PACRG: variants seen among roughly 807,000 people sequenced by gnomAD.
PACRG encodes the protein parkin coregulated gene protein.
In PACRG, 29 loss-of-function variants were observed where a neutral mutation model predicts 29.7. The ratio of observed to expected loss-of-function variants is 0.98; its 90% confidence interval spans 0.73 to 1.33. The LOEUF (loss-of-function observed/expected upper bound fraction) is 1.33, where lower values mean the gene tolerates loss of function less well. Among genes scored for constraint, PACRG ranks in the 40% most tolerant of loss-of-function variants. The probability of loss-of-function intolerance (pLI) is 0.00; values close to 1 mark genes in which losing one functional copy is unlikely to be tolerated. For missense variants in PACRG, 279 were observed against 316.2 expected (o/e 0.88, Z 0.89); for synonymous variants, 116 against 118.7 (o/e 0.98, Z 0.15).
intron 2 of PACRG, among the ~76,000 whole-genome samples, chr6:162,828,455 A>G (rs748178182): frequency 3.9e-5 from 6 of 152,222 alleles, no homozygotes; most frequent in Non-Finnish European, 7.3e-5. Context: ...GCTAGGCATT[A>G]CCTGAGTACT....
intron 4 of PACRG, among the ~76,000 whole-genome samples, chr6:163,293,229 C>T (rs1321854299): frequency 6.6e-6 from 1 of 152,122 alleles, no homozygotes; most frequent in Non-Finnish European, 1.5e-5. Flanking sequence ...CTGTAATGAT[C>T]GAATAGCAGT....
chr6:163,087,058 C>T (rs114029065), intron 3 of PACRG, among the ~76,000 whole-genome samples: 54 of 152,080 alleles, frequency 3.6e-4, no homozygotes, highest in African/African-American at 1.0e-3. Flanking sequence ...GGTAACCCCG[C>T]GGTACCTTGA....
intron 2 of PACRG, among the ~76,000 whole-genome samples, chr6:162,958,669 A>T (rs1800256244): frequency 6.6e-6 from 1 of 151,394 alleles, no homozygotes. Context: ...AACACTTAGG[A>T]TCCTTTGTTT....
At chr6:162,791,591 C>T (rs1784950926) in intron 1 of PACRG, among the ~76,000 whole-genome samples, 2 of 152,096 alleles carry the variant, frequency 1.3e-5, no homozygotes, top group African/African-American at 2.4e-5. Flanking sequence ...AGCAAGTGCT[C>T]GGTAAATATG....
At chr6:163,225,682 G>A (rs1456153450) in intron 4 of PACRG, among the ~76,000 whole-genome samples, 1 of 152,204 alleles carries the variant, frequency 6.6e-6, no homozygotes, top group Non-Finnish European at 1.5e-5. Context: ...TAGAGATACT[G>A]TGTAATCCAG....
chr6:163,148,918 T>C (rs1777925683), intron 4 of PACRG, among the ~76,000 whole-genome samples: 1 of 129,908 alleles, frequency 7.7e-6, no homozygotes, highest in African/African-American at 3.0e-5. Flanking sequence ...CCATGCACAG[T>C]ATTCTCGTGG....
chr6:163,170,640 T>C (rs143044019), intron 4 of PACRG: 1 of 152,388 alleles, frequency 6.6e-6, no homozygotes, highest in African/African-American at 2.4e-5. Context: ...TGGCATCTGA[T>C]AGAAACAGCC....
intron 4 of PACRG, among the ~76,000 whole-genome samples, chr6:163,304,161 A>G (rs568506015): frequency 6.6e-6 from 1 of 152,286 alleles, no homozygotes; most frequent in South Asian, 2.1e-4. Flanking sequence ...CAGCCAGATG[A>G]AGCTACCTAG....
At chr6:162,956,567 G>A (rs1024671488) in intron 2 of PACRG, among the ~76,000 whole-genome samples, 1 of 152,178 alleles carries the variant, frequency 6.6e-6, no homozygotes, top group African/African-American at 2.4e-5. Context: ...GTGTTGGCAG[G>A]GCCGTGCTCC....
At chr6:163,226,941 G>T (rs570321373) in intron 4 of PACRG, among the ~76,000 whole-genome samples, 2 of 152,164 alleles carry the variant, frequency 1.3e-5, no homozygotes, top group African/African-American at 4.8e-5. Context: ...TGATGAGTAG[G>T]ATTTCACACT....
chr6:162,963,950 C>T (rs1227324641), intron 2 of PACRG, among the ~76,000 whole-genome samples: 1 of 152,170 alleles, frequency 6.6e-6, no homozygotes, highest in Non-Finnish European at 1.5e-5. Flanking sequence ...GCAGAAGACT[C>T]TTGCCTAATA....
chr6:163,147,459 T>TG (rs1385305086), intron 4 of PACRG, among the ~76,000 whole-genome samples: 5 of 152,208 alleles, frequency 3.3e-5, no homozygotes, highest in Non-Finnish European at 7.3e-5. Context: ...GAGGCTGGGT[T>TG]GCCATCCCAG....
chr6:162,727,336 A>AGGGGAGGGGCGGCGGCGGGGG, upstream of PACRG: 1 of 274,936 alleles, frequency 3.6e-6, no homozygotes, highest in Non-Finnish European at 6.5e-6. Context: ...GGCGGCGGGG[A>AGGGGAGGGGCGGCGGCGGGGG]GAAGGCTTCG....
At chr6:162,805,921 G>A (rs1380612743) in intron 1 of PACRG, among the ~76,000 whole-genome samples, 4 of 152,054 alleles carry the variant, frequency 2.6e-5, no homozygotes, top group African/African-American at 4.8e-5. Flanking sequence ...TTATTCATGA[G>A]GATTGGAATC....
At chr6:162,734,391 A>G (rs1460806703) in intron 1 of PACRG, among the ~76,000 whole-genome samples, 1 of 152,070 alleles carries the variant, frequency 6.6e-6, no homozygotes, top group African/African-American at 2.4e-5. Context: ...ATAAATTTTG[A>G]CTTATTTTCC....
intron 2 of PACRG, among the ~76,000 whole-genome samples, chr6:162,925,939 A>G (rs900994733): frequency 1.3e-5 from 2 of 152,172 alleles, no homozygotes; most frequent in Non-Finnish European, 2.9e-5. Context: ...CTAAGCTGAT[A>G]TGCAACTTCA....
intron 2 of PACRG, among the ~76,000 whole-genome samples, chr6:163,035,687 G>A (rs556876089): frequency 6.7e-6 from 1 of 149,910 alleles, no homozygotes; most frequent in East Asian, 2.0e-4. Flanking sequence ...GCATGGTGGT[G>A]TGTGCCTGTA....
intron 1 of PACRG, among the ~76,000 whole-genome samples, chr6:162,809,368 A>C (rs1786637566): frequency 6.6e-6 from 1 of 152,216 alleles, no homozygotes; most frequent in African/African-American, 2.4e-5. Flanking sequence ...ACTTAAGAAG[A>C]GAATTTCTCA....
intron 2 of PACRG, among the ~76,000 whole-genome samples, chr6:162,816,468 T>G (rs1787352377): frequency 6.6e-6 from 1 of 152,168 alleles, no homozygotes; most frequent in Non-Finnish European, 1.5e-5. Context: ...TTCTCCTGCC[T>G]CAGCCTCCCG....
Sources: gnomAD v4.1 joint callset for allele counts (sites outside exome capture counted in the v4.1 genomes callset) on GRCh38, gnomAD v4.1.1 for gene constraint, MANE v1.5 for transcripts, NCBI Gene and HGNC (gene_info 2026-07-23, HGNC 2026-07-21) for gene names.